DNAH8: variants seen among roughly 807,000 people sequenced by gnomAD.
DNAH8 encodes axonemal beta dynein heavy chain 8.
A neutral mutation model predicts 562.1 loss-of-function variants in DNAH8; 382 were observed. That is an observed-to-expected ratio of 0.68 (90% CI 0.63 to 0.74). The LOEUF (loss-of-function observed/expected upper bound fraction) is 0.74, where lower values mean the gene tolerates loss of function less well. DNAH8 is among the 30% of genes least tolerant of loss of function. The probability of loss-of-function intolerance (pLI) is 0.00; values close to 1 mark genes in which losing one functional copy is unlikely to be tolerated. For missense variants in DNAH8, 5,203 were observed against 5,620.4 expected, an observed-to-expected ratio of 0.93 and a Z score of 2.37; for synonymous variants, 1,881 against 1,919.4, an observed-to-expected ratio of 0.98 and a Z score of 0.52.
At position 38,898,400 on chromosome 6, in the gene DNAH8, T is replaced by C. The variant is rs1779847683; in HGVS notation, c.9063+20T>C. 2.0e-6 allele frequency: 3 copies of C among 1,533,710 alleles called. No individual in the cohort carries two copies. Among genetic ancestry groups the C allele is most frequent in the Non-Finnish European group, 2.6e-6 (3 of 1,149,316 alleles). On this transcript the variant is annotated intron_variant, in intron 61 of 92. Coordinates refer to ENST00000327475, the MANE Select transcript of DNAH8 (RefSeq NM_001206927.2). ...ATTAAGGTCCTAACTATTGCCTATT[T>C]ACTGATATAAATAGATGATTTAAAA...
At chr6:38,965,851 T>C (rs1328448280) in intron 82 of DNAH8, among the ~76,000 whole-genome samples, 2 of 152,164 alleles carry the variant, frequency 1.3e-5, no homozygotes, top group East Asian at 3.8e-4. Context: ...CCAATCAATC[T>C]TTTTCTTCCC....
rs1297794039 is a variant in DNAH8 at position 38,954,634 on chromosome 6, C to T, written c.12451+3114C>T. 2.1e-3 allele frequency among the ~76,000 whole-genome samples: 4 copies of T among 1,930 alleles called. 2 individuals are homozygous for T. The highest frequency in any genetic ancestry group is 0.019 in the Admixed American group (4 of 212). The allele number at this position is 1,930 out of a possible 152,430, so 1.3% of individuals were successfully genotyped here. A position where few individuals can be genotyped will look rare whatever the true frequency, so the allele number is the denominator to read the frequency against. On this transcript the variant is annotated intron_variant, in intron 82 of 92. Transcript: ENST00000327475. ...AGGAGAATGGCGTGAACCCGGGAGG[C>T]GGAGCTTGCAGTGAGTCGAGATCGC...
At chr6:39,023,758 C>A (rs924742628) in intron 91 of DNAH8, among the ~76,000 whole-genome samples, 2 of 152,154 alleles carry the variant, frequency 1.3e-5, no homozygotes, top group African/African-American at 4.8e-5. Flanking sequence ...GAAGCAGAGA[C>A]AAAATGATCA....
chr6:38,813,505 T>C (rs116735326), intron 24 of DNAH8, among the ~76,000 whole-genome samples: 17 of 152,226 alleles, frequency 1.1e-4, no homozygotes, highest in African/African-American at 3.1e-4. Flanking sequence ...TTTACATTTA[T>C]TATAATTTTG....
intron 88 of DNAH8, among the ~76,000 whole-genome samples, chr6:39,005,148 A>T (rs1366822178): frequency 6.6e-6 from 1 of 152,218 alleles, no homozygotes; most frequent in African/African-American, 2.4e-5. Context: ...GCAGCAGCTC[A>T]TGCCTGTAAT....
intron 91 of DNAH8, among the ~76,000 whole-genome samples, chr6:39,016,327 G>A (rs1020091605): frequency 2.6e-5 from 4 of 152,098 alleles, no homozygotes; most frequent in Non-Finnish European, 4.4e-5. Flanking sequence ...CGAGGCGGGC[G>A]GATCACGAGG....
At chr6:39,023,753 A>C (rs894705109) in intron 91 of DNAH8, among the ~76,000 whole-genome samples, 1 of 152,242 alleles carries the variant, frequency 6.6e-6, no homozygotes, top group East Asian at 1.9e-4. Context: ...TTTAGGAAGC[A>C]GAGACAAAAT....
chr6:38,915,438 A>C, intron 68 of DNAH8, 61 bp downstream of exon 68: 1 of 1,313,476 alleles, frequency 7.6e-7, no homozygotes, highest in Non-Finnish European at 9.9e-7. Flanking sequence ...GTTTCATTAC[A>C]TGAAATTAAC....
intron 45 of DNAH8, 75 bp from the exon 46 acceptor site, chr6:38,866,516 G>T: frequency 1.0e-6 from 1 of 1,004,914 alleles, no homozygotes; most frequent in Non-Finnish European, 1.5e-6. Context: ...TCTGAATTAG[G>T]GGTTTGAAAT....
intron 24 of DNAH8, among the ~76,000 whole-genome samples, chr6:38,809,161 G>A (rs1201839702): frequency 1.3e-5 from 2 of 150,466 alleles, no homozygotes; most frequent in African/African-American, 2.4e-5. Context: ...TAATTCATAA[G>A]TATTCTTAGT....
At chr6:38,834,770 A>G in intron 32 of DNAH8, 129 bp downstream of exon 32, 4 of 655,200 alleles carry the variant, frequency 6.1e-6, no homozygotes, top group Non-Finnish European at 7.9e-6. Flanking sequence ...ATTGTATTCT[A>G]ATCTGCTAAA....
chr6:38,987,867 T>C (rs1407749376), intron 87 of DNAH8, among the ~76,000 whole-genome samples: 3 of 152,244 alleles, frequency 2.0e-5, no homozygotes, highest in African/African-American at 7.2e-5. Context: ...TTTGGGTCTC[T>C]GGCCCTAAGG....
chr6:38,890,314 GT>G (rs1419668280), intron 57 of DNAH8, among the ~76,000 whole-genome samples: 3 of 152,160 alleles, frequency 2.0e-5, no homozygotes, highest in Non-Finnish European at 4.4e-5. Flanking sequence ...GGTTGCTTGG[GT>G]TCACATCTCA....
At chr6:38,962,695 A>G (rs1430784346) in intron 82 of DNAH8, among the ~76,000 whole-genome samples, 5 of 152,242 alleles carry the variant, frequency 3.3e-5, no homozygotes, top group South Asian at 2.1e-4. Context: ...TTAGTTATAT[A>G]TTGTTGAGTG....
intron 92 of DNAH8, among the ~76,000 whole-genome samples, chr6:39,028,587 G>T (rs1767452156): frequency 6.6e-6 from 1 of 152,154 alleles, no homozygotes; most frequent in Non-Finnish European, 1.5e-5. Flanking sequence ...TAAACAATGT[G>T]TGCAAAGTCC....
At position 39,002,380 on chromosome 6, in the gene DNAH8, A is replaced by G. The variant is rs532513412; in HGVS notation, c.13215-6434A>G. 2.0e-5 allele frequency among the ~76,000 whole-genome samples: 3 copies of G among 152,316 alleles called. No individual in the cohort carries two copies. In the South Asian group the frequency reaches 6.2e-4, roughly 32 times the overall value. The stretch of plus-strand genomic sequence containing the variant: ...TGAAAATGTATATAGTAACATGTGG[A>G]TCCTTGACTTTTGTTGACTTCATTT... On this transcript the variant is annotated intron_variant, in intron 88 of 92. Transcript: ENST00000327475.
At chr6:38,957,286 AAATT>A (rs1762307933) in intron 82 of DNAH8, among the ~76,000 whole-genome samples, 1 of 149,064 alleles carries the variant, frequency 6.7e-6, no homozygotes, top group African/African-American at 2.4e-5. Context: ...AGATATATAA[AAATT>A]AATATATATA....
chr6:38,837,043 A>G (rs954260027), intron 32 of DNAH8, among the ~76,000 whole-genome samples: 11 of 152,194 alleles, frequency 7.2e-5, no homozygotes, highest in Admixed American at 3.9e-4. Flanking sequence ...GAAGAGTCCT[A>G]TGGACTCTTC....
chr6:38,990,016 G>A lies in DNAH8; in HGVS notation c.13058G>A (p.Trp4353Ter). 1 of 1,587,462 alleles carries A rather than the reference G, an allele frequency of 6.3e-7. No homozygotes were observed. The highest frequency in any genetic ancestry group is 8.6e-7 in the Non-Finnish European group (1 of 1,159,302). ...TTTGTTTTCTCTCACATACAGGTCT[G>A]GTTCAGTGAGAAGATGTTTGAACCG... ...KRLLNCFARV[W>*]FSEKMFEPSF... Residue 4353 changes from tryptophan to a stop codon, truncating the protein, a stop_gained, in exon 88 of 93, where the codon TGG (tryptophan) becomes TAG (stop). Coordinates refer to ENST00000327475, the MANE Select transcript of DNAH8 (RefSeq NM_001206927.2). LOFTEE classifies it high-confidence loss of function.
Sources: gnomAD v4.1 joint callset for allele counts (sites outside exome capture counted in the v4.1 genomes callset) on GRCh38, gnomAD v4.1.1 for gene constraint, MANE v1.5 for transcripts, NCBI Gene and HGNC (gene_info 2026-07-23, HGNC 2026-07-21) for gene names.